Variants in KCNIP4 observed in about 807,000 individuals in gnomAD.
KCNIP4 encodes potassium voltage-gated channel interacting protein 4.
Under a neutral mutation model 34.0 loss-of-function variants are expected in KCNIP4, and 12 were observed. The observed-to-expected ratio is 0.35, with a 90% CI of 0.23 to 0.57. The LOEUF is 0.57. Ranked by LOEUF, KCNIP4 falls within the 20% of genes least tolerant of loss-of-function variation. The pLI, the probability that KCNIP4 is intolerant of heterozygous loss-of-function variation, is 0.83. For synonymous variants in KCNIP4, 124 were observed against 102.2 expected (o/e 1.21, Z -1.29); for missense variants, 238 against 311.7 (o/e 0.76, Z 1.78).
intron 1 of KCNIP4, among the ~76,000 whole-genome samples, chr4:21,247,647 T>TTAGA (rs1395964033): frequency 3.2e-5 from 4 of 125,036 alleles, no homozygotes; most frequent in African/African-American, 1.7e-4. Flanking sequence ...ATCTATATAT[T>TTAGA]TATATCTATA....
intron 1 of KCNIP4, among the ~76,000 whole-genome samples, chr4:21,156,536 T>G (rs1577802291): frequency 6.6e-6 from 1 of 152,278 alleles, no homozygotes; most frequent in Admixed American, 6.5e-5. Flanking sequence ...AAATATACAT[T>G]AATTCCCTTA....
chr4:21,896,533 G>GT (rs33916224), intron 1 of KCNIP4, among the ~76,000 whole-genome samples: 47,780 of 151,992 alleles, frequency 0.31, 7,875 homozygotes, highest in African/African-American at 0.42. Context: ...AAAGGAAAAT[G>GT]TAAGTGTGGT....
chr4:20,742,002 T>G (rs1751237916), intron 5 of KCNIP4, among the ~76,000 whole-genome samples: 1 of 152,052 alleles, frequency 6.6e-6, no homozygotes, highest in African/African-American at 2.4e-5. Flanking sequence ...ACATACACCC[T>G]CCCAAGACTA....
chr4:21,303,753 A>AT, intron 1 of KCNIP4: 1 of 1,443,848 alleles, frequency 6.9e-7, no homozygotes, highest in Non-Finnish European at 9.7e-7. Flanking sequence ...CACCTAAGAC[A>AT]TTTTCATTGC....
At chr4:20,788,929 G>C (rs1712363233) in intron 3 of KCNIP4, among the ~76,000 whole-genome samples, 1 of 152,144 alleles carries the variant, frequency 6.6e-6, no homozygotes, top group Non-Finnish European at 1.5e-5. Context: ...CAAGGCTTGA[G>C]CTCATGAGTA....
At chr4:21,060,273 T>C (rs1464893876) in intron 1 of KCNIP4, among the ~76,000 whole-genome samples, 3 of 152,170 alleles carry the variant, frequency 2.0e-5, no homozygotes, top group Non-Finnish European at 4.4e-5. Flanking sequence ...CTTAAAAAAT[T>C]AATTAAATGC....
At chr4:21,404,882 T>A (rs1723840018) in intron 1 of KCNIP4, among the ~76,000 whole-genome samples, 1 of 152,216 alleles carries the variant, frequency 6.6e-6, no homozygotes, top group Admixed American at 6.5e-5. Context: ...AAATCTTTTT[T>A]AATAGCTTTA....
intron 1 of KCNIP4, among the ~76,000 whole-genome samples, chr4:21,094,190 C>A (rs1747266823): frequency 6.6e-6 from 1 of 151,828 alleles, no homozygotes; most frequent in African/African-American, 2.4e-5. Flanking sequence ...AATAAATAAC[C>A]CCTCTAGTTC....
rs559124315 is a variant in KCNIP4, at chr4:20,763,508, A to G, written c.289-4618T>C. Among the ~76,000 whole-genome samples the G allele has an allele frequency of 1.5e-3, 225 of 152,296 alleles. 1 individual carries two copies. The highest frequency in any genetic ancestry group is 2.2e-3 in the Non-Finnish European group (147 of 68,024). On this transcript the variant is annotated intron_variant, in intron 3 of 8. Transcript: ENST00000382152. Reference sequence around the variant, plus strand: ...GAAACTTTTTATGGGCCAGGTCTTAAAGTGGTATACATCATTTCTATTCTC... The same window carrying G: ...GAAACTTTTTATGGGCCAGGTCTTAGAGTGGTATACATCATTTCTATTCTC...
chr4:21,108,665 A>G (rs1171248558), intron 1 of KCNIP4, among the ~76,000 whole-genome samples: 2 of 151,648 alleles, frequency 1.3e-5, no homozygotes, highest in Non-Finnish European at 2.9e-5. Context: ...TTGGAGGAGG[A>G]GAGGCACTCT....
At chr4:21,925,464 T>G (rs1729190632) in intron 1 of KCNIP4, among the ~76,000 whole-genome samples, 1 of 152,212 alleles carries the variant, frequency 6.6e-6, no homozygotes. Context: ...GTGCCACATT[T>G]TCTTAATCCA....
intron 1 of KCNIP4, among the ~76,000 whole-genome samples, chr4:21,606,684 C>G (rs1310645825): frequency 1.3e-5 from 2 of 152,164 alleles, no homozygotes; most frequent in Admixed American, 1.3e-4. Flanking sequence ...ACCTCTGCCT[C>G]CCGGGTTCAA....
At chr4:20,950,046 G>C (rs1577418968) in intron 1 of KCNIP4, among the ~76,000 whole-genome samples, 1 of 148,808 alleles carries the variant, frequency 6.7e-6, no homozygotes, top group African/African-American at 2.5e-5. Flanking sequence ...AAATGAAAAG[G>C]AAAGGAAATC....
intron 1 of KCNIP4, among the ~76,000 whole-genome samples, chr4:21,211,429 G>A (rs928267580): frequency 1.3e-5 from 2 of 152,116 alleles, no homozygotes; most frequent in Non-Finnish European, 2.9e-5. Flanking sequence ...TGGCATTAGA[G>A]TCTCATAAAA....
At chr4:20,778,427 C>T (rs1322504577) in intron 3 of KCNIP4, among the ~76,000 whole-genome samples, 1 of 152,118 alleles carries the variant, frequency 6.6e-6, no homozygotes, top group Non-Finnish European at 1.5e-5. Context: ...AGATTGGAAA[C>T]TATTCAGTGG....
intron 1 of KCNIP4, among the ~76,000 whole-genome samples, chr4:21,733,068 T>C (rs1349043229): frequency 1.3e-5 from 2 of 152,178 alleles, no homozygotes; most frequent in Non-Finnish European, 2.9e-5. Flanking sequence ...AAAGTACGAA[T>C]CTCAACGCTG....
At chr4:21,218,877 G>A (rs115883513) in intron 1 of KCNIP4, among the ~76,000 whole-genome samples, 1 of 152,072 alleles carries the variant, frequency 6.6e-6, no homozygotes, top group Non-Finnish European at 1.5e-5. Flanking sequence ...ATTAACTCTG[G>A]TTTCTACCCT....
At chr4:21,616,017 C>G (rs1406526904) in intron 1 of KCNIP4, among the ~76,000 whole-genome samples, 1 of 152,128 alleles carries the variant, frequency 6.6e-6, no homozygotes, top group Non-Finnish European at 1.5e-5. Flanking sequence ...TAGGTCAGAC[C>G]ATGTCATGCC....
intron 1 of KCNIP4, among the ~76,000 whole-genome samples, chr4:21,038,652 C>T (rs1229486183): frequency 1.3e-5 from 2 of 152,186 alleles, no homozygotes; most frequent in Admixed American, 1.3e-4. Flanking sequence ...GAATGACTTA[C>T]AAGGAATTAA....
Sources: gnomAD v4.1 joint callset for allele counts (sites outside exome capture counted in the v4.1 genomes callset) on GRCh38, gnomAD v4.1.1 for gene constraint, MANE v1.5 for transcripts, NCBI Gene and HGNC (gene_info 2026-07-23, HGNC 2026-07-21) for gene names.